KIRREL3: variants seen among roughly 807,000 people sequenced by gnomAD.
KIRREL3 encodes the protein kin of IRRE-like protein 3.
Under a neutral mutation model 89.7 loss-of-function variants are expected in KIRREL3, and 36 were observed. The ratio of observed to expected loss-of-function variants is 0.40; its 90% CI spans 0.31 to 0.53. The LOEUF is 0.53. Among genes scored for constraint, KIRREL3 ranks in the 20% least tolerant of loss-of-function variants. The probability of loss-of-function intolerance (pLI) is 0.49; values close to 1 mark genes in which losing one functional copy is unlikely to be tolerated. For synonymous variants in KIRREL3, 445 were observed against 441.4 expected, an observed-to-expected ratio of 1.01 and a Z score of -0.10; for missense variants, 864 against 1,056.6, an observed-to-expected ratio of 0.82 and a Z score of 2.53.
At chr11:126,874,229 C>T (rs181727587) in intron 1 of KIRREL3, among the ~76,000 whole-genome samples, 1 of 152,306 alleles carries the variant, frequency 6.6e-6, no homozygotes, top group South Asian at 2.1e-4. Context: ...CTAAACTTCC[C>T]CAGCCTTGGT....
intron 1 of KIRREL3, among the ~76,000 whole-genome samples, chr11:126,673,303 C>T (rs1946041469): frequency 2.6e-5 from 4 of 152,176 alleles, no homozygotes; most frequent in Admixed American, 2.0e-4. Flanking sequence ...CTGAACCAGT[C>T]CCGTCTGTTA....
At chr11:126,442,400 G>T (rs1415498117) in intron 10 of KIRREL3, among the ~76,000 whole-genome samples, 2 of 151,080 alleles carry the variant, frequency 1.3e-5, no homozygotes, top group African/African-American at 4.9e-5. Flanking sequence ...TCCCTGAGGG[G>T]TTTTCATGAT....
chr11:126,975,600 G>T (rs1949543719), intron 1 of KIRREL3, among the ~76,000 whole-genome samples: 1 of 152,108 alleles, frequency 6.6e-6, no homozygotes, highest in South Asian at 2.1e-4. Context: ...ACTGAGGACA[G>T]TTATAGTGTT....
chr11:126,800,231 C>G lies in KIRREL3; in HGVS notation c.55+200224G>C, dbSNP rs572487299. ...CTAATTAACTTGGGCCATTTAGAAT[C>G]TGACTCCGTGAGACAAAGAGCCTTG... is the stretch of plus-strand genomic sequence containing the variant. On this transcript the variant is annotated intron_variant, in intron 1 of 16. Transcript: ENST00000525144. 3.3e-5 allele frequency among the ~76,000 whole-genome samples: 5 copies of G among 152,316 alleles called. No homozygotes were observed. The South Asian group carries it at 1.0e-3, about 32-fold the overall frequency.
In KIRREL3 at chr11:126,541,953, C is replaced by A. The variant is rs561529403; in HGVS notation, c.134-15266G>T. ...TCACAGGGAATCCCAGTGTATAAAA[C>A]GGTGGAGGCAGAGCTGAGGCAGCGC... On this transcript the variant is annotated intron_variant, in intron 2 of 16. Transcript: ENST00000525144. This position sits in a 1 kb window ranked among gnomAD's most constrained non-coding sequence, Gnocchi z 4.8. Among the ~76,000 whole-genome samples the A allele has an allele frequency of 6.6e-6, 1 of 152,214 alleles. No individual in the cohort carries two copies. Among genetic ancestry groups the A allele is most frequent in the Admixed American group, 6.5e-5 (1 of 15,284 alleles).
Position 126,683,465 on chromosome 11 carries a change from G to A in KIRREL3, c.56-120553C>T, listed in dbSNP as rs1946546875. On this transcript the variant is annotated intron_variant, in intron 1 of 16. Transcript: ENST00000525144. The surrounding 1 kb of genome is among the most constrained non-coding windows in gnomAD (Gnocchi z 5.2). The stretch of plus-strand genomic sequence containing the variant: ...GGTCTGGGCATCCACTGCTTTCACC[G>A]AGGGTCTCTGCATGACTTTAGGAAA... Among the ~76,000 whole-genome samples the A allele has an allele frequency of 6.6e-6, 1 of 152,182 alleles. No individual in the cohort carries two copies. Among genetic ancestry groups the A allele is most frequent in the South Asian group, 2.1e-4 (1 of 4,830 alleles).
chr11:126,798,761 A>G (rs1056746159), intron 1 of KIRREL3, among the ~76,000 whole-genome samples: 19 of 152,356 alleles, frequency 1.2e-4, no homozygotes, highest in Admixed American at 1.0e-3. Context: ...AACCATACGG[A>G]GCAGCATTAG....
rs1365699046 is a variant in KIRREL3, at chr11:126,744,009, AT to A, written c.56-181098del. ...AGGATGGCCTCATGGAAGAGGTGAC[AT>A]TAGATTTGGGCCTTAGCAATGGGCA... On this transcript the variant is annotated intron_variant, in intron 1 of 16. Transcript: ENST00000525144. The surrounding 1 kb of genome is among the most constrained non-coding windows in gnomAD (Gnocchi z 4.7). Among the ~76,000 whole-genome samples, 1 of 152,232 alleles carries A rather than the reference AT, an allele frequency of 6.6e-6. No homozygotes were observed. Among genetic ancestry groups the A allele is most frequent in the African/African-American group, 2.4e-5 (1 of 41,460 alleles).
intron 1 of KIRREL3, among the ~76,000 whole-genome samples, chr11:126,793,873 A>G (rs890452745): frequency 6.6e-6 from 1 of 152,132 alleles, no homozygotes; most frequent in Non-Finnish European, 1.5e-5. Context: ...CCAAATACAC[A>G]TGTTGCTTCT....
intron 1 of KIRREL3, among the ~76,000 whole-genome samples, chr11:126,718,638 A>G (rs561090758): frequency 6.6e-6 from 1 of 152,366 alleles, no homozygotes; most frequent in Non-Finnish European, 1.5e-5. Context: ...TATTAAGGAT[A>G]AGTGCTGTGC....
At position 126,528,371 on chromosome 11, in the gene KIRREL3, G is replaced by A. The variant is rs1340406199; in HGVS notation, c.134-1684C>T. On this transcript the variant is annotated intron_variant, in intron 2 of 16. Coordinates refer to ENST00000525144, the MANE Select transcript of KIRREL3 (RefSeq NM_032531.4). The surrounding 1 kb of genome is among the most constrained non-coding windows in gnomAD (Gnocchi z 4.6). ...AGATGACCCCAAGAGGGAGACACTT[G>A]GTGTGTATCAACCCAGGGGAGCTTG... Among the ~76,000 whole-genome samples, 1 of 152,194 alleles carries A rather than the reference G, an allele frequency of 6.6e-6. No homozygotes were observed. Among genetic ancestry groups the A allele is most frequent in the Non-Finnish European group, 1.5e-5 (1 of 68,044 alleles).
At position 126,561,150 on chromosome 11, in the gene KIRREL3, C is replaced by T. The variant is rs1940090336; in HGVS notation, c.133+1685G>A. 6.6e-6 allele frequency among the ~76,000 whole-genome samples: 1 copy of T among 152,180 alleles called. No individual in the cohort carries two copies. The highest frequency in any genetic ancestry group is 2.4e-5 in the African/African-American group (1 of 41,446). ...GAGTGGAAGAAGAGGAGCTTCCTCC[C>T]TCCAGAGCCCTCCCTCTCCTTCACC... On this transcript the variant is annotated intron_variant, in intron 2 of 16. Coordinates refer to ENST00000525144, the MANE Select transcript of KIRREL3 (RefSeq NM_032531.4). This position sits in a 1 kb window ranked among gnomAD's most constrained non-coding sequence, Gnocchi z 4.5.
chr11:126,431,491 C>T lies in KIRREL3; in HGVS notation c.1624G>A (p.Val542Ile), dbSNP rs776270249. 1.9e-5 allele frequency: 31 copies of T among 1,613,876 alleles called. No individual in the cohort carries two copies. In the East Asian group the frequency reaches 3.3e-4, roughly 17 times the overall value. ...ACGAGGAAGGCCACACCAGCTCCTACGGCCACCCCAATGATGACGGCCATC... is the reference window on the plus strand; with the variant it reads ...ACGAGGAAGGCCACACCAGCTCCTATGGCCACCCCAATGATGACGGCCATC... ...VPMAVIIGVAVGAGVAFLVLM... is the reference protein window; with the variant it reads ...VPMAVIIGVAIGAGVAFLVLM... Residue 542 changes from valine (V) to isoleucine (I), a missense_variant, in exon 14 of 17, where the codon GTA becomes ATA. Val to Ile is a conservative substitution (Grantham distance 29). Transcript: ENST00000525144. The surrounding 1 kb of genome is among the most constrained non-coding windows in gnomAD (Gnocchi z 7.1).
Position 126,557,061 on chromosome 11 carries a change from C to T in KIRREL3, c.133+5774G>A, listed in dbSNP as rs1341697236. 1.3e-5 allele frequency among the ~76,000 whole-genome samples: 2 copies of T among 152,158 alleles called. No homozygotes were observed. The highest frequency in any genetic ancestry group is 6.5e-5 in the Admixed American group (1 of 15,284). On this transcript the variant is annotated intron_variant, in intron 2 of 16. Coordinates refer to ENST00000525144, the MANE Select transcript of KIRREL3 (RefSeq NM_032531.4). This position sits in a 1 kb window ranked among gnomAD's most constrained non-coding sequence, Gnocchi z 5.6. ...TCAGGAAAATGACTGTGGCCCTTAG[C>T]GCGAGCCAGACTGTACGGCTGCAAC...
At chr11:126,859,034 C>T (rs1010392923) in intron 1 of KIRREL3, among the ~76,000 whole-genome samples, 4 of 152,186 alleles carry the variant, frequency 2.6e-5, no homozygotes, top group East Asian at 1.9e-4. Context: ...CACAAATTGA[C>T]TTCATGTGCT....
intron 1 of KIRREL3, among the ~76,000 whole-genome samples, chr11:126,809,709 G>T (rs147128317): frequency 6.6e-6 from 1 of 152,160 alleles, no homozygotes; most frequent in Non-Finnish European, 1.5e-5. Context: ...CTAAGGCCCC[G>T]CCCTGTACAG....
At chr11:126,925,223 C>T (rs960076106) in intron 1 of KIRREL3, among the ~76,000 whole-genome samples, 1 of 152,044 alleles carries the variant, frequency 6.6e-6, no homozygotes, top group African/African-American at 2.4e-5. Context: ...CAGAAAGGTT[C>T]CCTTCCCTTC....
rs573665651 is a variant in KIRREL3 at position 126,742,824 on chromosome 11, G to A, written c.56-179912C>T. Among the ~76,000 whole-genome samples the A allele has an allele frequency of 1.3e-5, 2 of 152,214 alleles. No individual in the cohort carries two copies. The highest frequency in any genetic ancestry group is 2.9e-5 in the Non-Finnish European group (2 of 68,038). ...ACTTTGCCACATCACTGGCACATTCGTTGCTGGGCAACGTGGCTCCTCTCT... is the reference window on the plus strand; with the variant it reads ...ACTTTGCCACATCACTGGCACATTCATTGCTGGGCAACGTGGCTCCTCTCT... On this transcript the variant is annotated intron_variant, in intron 1 of 16. Transcript: ENST00000525144. The surrounding 1 kb of genome is among the most constrained non-coding windows in gnomAD (Gnocchi z 5.3).
chr11:126,662,509 G>A (rs1945452903), intron 1 of KIRREL3, among the ~76,000 whole-genome samples: 1 of 152,190 alleles, frequency 6.6e-6, no homozygotes, highest in Non-Finnish European at 1.5e-5. Flanking sequence ...GGTCTGGTGA[G>A]GGCCTTCTTG....
Sources: gnomAD v4.1 joint callset for allele counts (sites outside exome capture counted in the v4.1 genomes callset) on GRCh38, gnomAD v4.1.1 for gene constraint, Gnocchi (gnomAD v3.1) non-coding constraint, MANE v1.5 for transcripts, NCBI Gene and HGNC (gene_info 2026-07-23, HGNC 2026-07-21) for gene names.